Variants in NWD1 observed in about 807,000 individuals in gnomAD.
NWD1 encodes the protein NACHT domain- and WD repeat-containing protein 1.
A neutral mutation model predicts 135.1 loss-of-function variants in NWD1; 129 were observed. The ratio of observed to expected loss-of-function variants is 0.96; its 90% CI spans 0.83 to 1.11. The LOEUF (loss-of-function observed/expected upper bound fraction) is 1.11, where lower values mean the gene tolerates loss of function less well. NWD1 is among the 50% of genes least tolerant of loss of function. The probability of loss-of-function intolerance (pLI) is 0.00; values close to 1 mark genes in which losing one functional copy is unlikely to be tolerated. For missense variants in NWD1, 1,740 were observed against 1,851.3 expected, an observed-to-expected ratio of 0.94 and a Z score of 1.10; for synonymous variants, 773 against 786.0, an observed-to-expected ratio of 0.98 and a Z score of 0.28.
At chr19:16,755,338 C>G (rs1437904450) in intron 6 of NWD1, among the ~76,000 whole-genome samples, 4 of 152,104 alleles carry the variant, frequency 2.6e-5, no homozygotes, top group South Asian at 4.1e-4. Flanking sequence ...ATCTCAGCCC[C>G]CTCTGAGTAG....
intron 2 of NWD1, among the ~76,000 whole-genome samples, chr19:16,728,934 A>C (rs1967441472): frequency 1.9e-5 from 2 of 108,016 alleles, no homozygotes; most frequent in African/African-American, 4.0e-5. Context: ...ACAGAGCATG[A>C]CTCCATCTCA....
At chr19:16,813,002 C>A (rs776524274) in intron 18 of NWD1, 102 of 639,268 alleles carry the variant, frequency 1.6e-4, no homozygotes, top group Middle Eastern at 4.1e-4. Context: ...AGGCAAAGGG[C>A]CCACAATCCC....
intron 15 of NWD1, among the ~76,000 whole-genome samples, chr19:16,796,060 T>C (rs1036232759): frequency 6.6e-6 from 1 of 152,150 alleles, no homozygotes; most frequent in Non-Finnish European, 1.5e-5. Context: ...TCTCTCTCAG[T>C]GTGGCTGAGT....
chr19:16,731,136 G>A (rs1254565871), intron 2 of NWD1, 56 bp from the exon 3 acceptor site: 1 of 869,074 alleles, frequency 1.2e-6, no homozygotes, highest in Non-Finnish European at 1.8e-6. Flanking sequence ...AGAGCTATGA[G>A]GCTGGGAAGA....
Position 16,722,624 on chromosome 19 carries a change from C to T in NWD1, c.-104-1742C>T, listed in dbSNP as rs1379899587. 2.6e-5 allele frequency among the ~76,000 whole-genome samples: 4 copies of T among 151,850 alleles called. No homozygotes were observed. In the East Asian group the frequency reaches 7.8e-4, roughly 30 times the overall value. ...CTTAAAAAAGAATTAACTCAGCAGG[C>T]CTGAGTTGTCCATACCCCACACATT... On this transcript the variant is annotated intron_variant, in intron 1 of 18. Transcript: ENST00000524140.
At chr19:16,754,987 T>C (rs1968733795) in intron 6 of NWD1, among the ~76,000 whole-genome samples, 1 of 152,206 alleles carries the variant, frequency 6.6e-6, no homozygotes, top group African/African-American at 2.4e-5. Context: ...CTCTATCACT[T>C]CTAGTAATCT....
At chr19:16,760,038 C>T (rs1968949190) in intron 7 of NWD1, among the ~76,000 whole-genome samples, 1 of 150,104 alleles carries the variant, frequency 6.7e-6, no homozygotes, top group Non-Finnish European at 1.5e-5. Flanking sequence ...ACTTGTGGTC[C>T]CAGCTACTTG....
rs1356052768 is a variant in NWD1 at position 16,815,346 on chromosome 19, A to G, written c.*307A>G. 2.8e-6 allele frequency: 2 copies of G among 725,866 alleles called. No individual in the cohort carries two copies. Among genetic ancestry groups the G allele is most frequent in the Non-Finnish European group, 5.1e-6 (2 of 395,370 alleles). 45.0% of individuals were successfully genotyped at this position (725,866 alleles called of 1,614,324 possible). On this transcript the variant is annotated 3_prime_UTR_variant, in exon 19 of 19. Transcript: ENST00000524140. ...ATAGTGTAAAAAAATAAAAATAAAA[A>G]AACCCTGTGGGGGTATGGGGCTCCA...
intron 2 of NWD1, among the ~76,000 whole-genome samples, chr19:16,726,297 G>C (rs558215117): frequency 1.3e-5 from 2 of 151,802 alleles, no homozygotes; most frequent in South Asian, 2.1e-4. Context: ...TTTTTGCAGA[G>C]ATGAGGGCTC....
intron 6 of NWD1, among the ~76,000 whole-genome samples, chr19:16,752,294 A>G (rs967187094): frequency 1.3e-5 from 2 of 152,068 alleles, no homozygotes; most frequent in African/African-American, 4.8e-5. Flanking sequence ...GTGGTGGTCA[A>G]CCCAACGAGG....
chr19:16,736,892 T>C (rs1170578706), intron 4 of NWD1, 142 bp downstream of exon 4: 17 of 634,094 alleles, frequency 2.7e-5, no homozygotes, highest in Non-Finnish European at 4.8e-5. Flanking sequence ...TGGCAGACAT[T>C]ACTAATCAAT....
intron 7 of NWD1, among the ~76,000 whole-genome samples, chr19:16,760,544 G>A (rs947530243): frequency 6.6e-6 from 1 of 151,814 alleles, no homozygotes; most frequent in African/African-American, 2.4e-5. Context: ...ACAGGTGTGA[G>A]CTACCATGCC....
intron 17 of NWD1, among the ~76,000 whole-genome samples, chr19:16,805,013 ATATT>A (rs1041140336): frequency 1.3e-4 from 20 of 150,802 alleles, no homozygotes; most frequent in South Asian, 1.0e-3. Context: ...ATTTTTAAAA[ATATT>A]TATTTATTTA....
chr19:16,770,144 T>C (rs151080270), intron 10 of NWD1, among the ~76,000 whole-genome samples: 210 of 152,344 alleles, frequency 1.4e-3, no homozygotes, highest in Middle Eastern at 6.8e-3. Flanking sequence ...TGATATGGTT[T>C]GGCTGTGTCC....
chr19:16,759,558 C>G, intron 7 of NWD1, 130 bp downstream of exon 7: 1 of 683,928 alleles, frequency 1.5e-6, no homozygotes, highest in Non-Finnish European at 2.5e-6. Flanking sequence ...CCAGTTAGAA[C>G]TCTGACACAA....
rs895865327 is a variant in NWD1 at position 16,780,166 on chromosome 19, T to C, written c.2731+701T>C. Among the ~76,000 whole-genome samples the C allele has an allele frequency of 6.6e-5, 10 of 151,908 alleles. No individual in the cohort carries two copies. In the East Asian group the frequency reaches 1.7e-3, roughly 26 times the overall value. Reference sequence around the variant, plus strand: ...CAGCAAAGGCAAGGTTTCTTTTTTTTTTTTTTTGAGACGGAGTCTTGCTCT... The same window carrying C: ...CAGCAAAGGCAAGGTTTCTTTTTTTCTTTTTTTGAGACGGAGTCTTGCTCT... On this transcript the variant is annotated intron_variant, in intron 12 of 18. Coordinates refer to ENST00000524140, the MANE Select transcript of NWD1 (RefSeq NM_001007525.5).
At chr19:16,746,596 C>A (rs1029634923) in intron 5 of NWD1, among the ~76,000 whole-genome samples, 1 of 151,882 alleles carries the variant, frequency 6.6e-6, no homozygotes, top group African/African-American at 2.4e-5. Context: ...TCACTTGAAC[C>A]CGGGAGGCAG....
intron 14 of NWD1, 137 bp from the exon 15 acceptor site, chr19:16,794,326 A>G (rs979043611): frequency 1.1e-5 from 6 of 550,284 alleles, no homozygotes; most frequent in African/African-American, 9.5e-5. Flanking sequence ...AGATCATACC[A>G]CCGCACTCCT....
In NWD1 at chr19:16,817,011, CA is replaced by C. The variant is rs1971084297; in HGVS notation, c.*1977del. 1 of 152,100 alleles carries C rather than the reference CA, an allele frequency of 6.6e-6. No homozygotes were observed. Among genetic ancestry groups the C allele is most frequent in the South Asian group, 2.1e-4 (1 of 4,830 alleles). The allele number at this position is 152,100 out of a possible 1,614,324, so 9.4% of individuals were successfully genotyped here. The stretch of plus-strand genomic sequence containing the variant: ...CCATTAAAAATATTAAAAATAATGG[CA>C]AAAACTGGCTGGGCACAGTGGCTCA... On this transcript the variant is annotated 3_prime_UTR_variant, in exon 19 of 19. Transcript: ENST00000524140.
Sources: gnomAD v4.1 joint callset for allele counts (sites outside exome capture counted in the v4.1 genomes callset) on GRCh38, gnomAD v4.1.1 for gene constraint, MANE v1.5 for transcripts, NCBI Gene and HGNC (gene_info 2026-07-23, HGNC 2026-07-21) for gene names.